The following HS3ST4 variants were observed in gnomAD, a reference collection of about 807,000 sequenced individuals.
The protein encoded by HS3ST4 is heparan sulfate glucosamine 3-O-sulfotransferase 4.
A neutral mutation model predicts 29.2 loss-of-function variants in HS3ST4; 17 were observed. That is an observed-to-expected ratio of 0.58 (90% confidence interval 0.40 to 0.87). The LOEUF (loss-of-function observed/expected upper bound fraction) is 0.87, where lower values mean the gene tolerates loss of function less well. Ranked by LOEUF, HS3ST4 falls within the 40% of genes least tolerant of loss-of-function variation. The pLI is 0.00. For missense variants in HS3ST4, 627 were observed against 634.5 expected, an observed-to-expected ratio of 0.99 and a Z score of 0.13; for synonymous variants, 314 against 285.7, an observed-to-expected ratio of 1.10 and a Z score of -1.00.
At chr16:26,117,729 G>T (rs1193460210) in intron 1 of HS3ST4, among the ~76,000 whole-genome samples, 1 of 152,228 alleles carries the variant, frequency 6.6e-6, no homozygotes, top group Admixed American at 6.5e-5. Context: ...CTCTTTGGGT[G>T]TACAAAGTGA....
intron 1 of HS3ST4, among the ~76,000 whole-genome samples, chr16:26,053,334 T>A (rs1036973771): frequency 6.6e-6 from 1 of 152,240 alleles, no homozygotes; most frequent in Non-Finnish European, 1.5e-5. Flanking sequence ...CTAATTAATG[T>A]TAATACTTGC....
intron 1 of HS3ST4, among the ~76,000 whole-genome samples, chr16:25,927,843 G>C (rs1968421575): frequency 6.6e-6 from 1 of 151,954 alleles, no homozygotes; most frequent in African/African-American, 2.4e-5. Flanking sequence ...CCTGTTCTAG[G>C]CACTGAGGAT....
intron 1 of HS3ST4, among the ~76,000 whole-genome samples, chr16:26,082,417 TCATCA>T (rs1421201990): frequency 1.3e-5 from 2 of 152,222 alleles, no homozygotes; most frequent in Non-Finnish European, 2.9e-5. Flanking sequence ...ACCTTTTAGA[TCATCA>T]CATATTTAAG....
At chr16:25,979,554 C>G (rs1465331946) in intron 1 of HS3ST4, among the ~76,000 whole-genome samples, 1 of 152,222 alleles carries the variant, frequency 6.6e-6, no homozygotes, top group East Asian at 1.9e-4. Flanking sequence ...TGATCTGTCA[C>G]TGTCTCCTAT....
chr16:25,746,533 T>C (rs184463329), intron 1 of HS3ST4, among the ~76,000 whole-genome samples: 13 of 150,002 alleles, frequency 8.7e-5, no homozygotes, highest in South Asian at 2.1e-4. Context: ...CAAAAGTTGA[T>C]GCCAGCCATC....
intron 1 of HS3ST4, among the ~76,000 whole-genome samples, chr16:25,983,664 C>T (rs62034495): frequency 0.055 from 8,446 of 152,256 alleles, 331 homozygotes; most frequent in Middle Eastern, 0.092. Context: ...GATTCTCCAG[C>T]CCATGGTAGA....
At chr16:26,069,872 C>T (rs2141776544) in intron 1 of HS3ST4, among the ~76,000 whole-genome samples, 1 of 152,186 alleles carries the variant, frequency 6.6e-6, no homozygotes, top group South Asian at 2.1e-4. Context: ...CATGTCCCTA[C>T]AAAGGACATG....
intron 1 of HS3ST4, among the ~76,000 whole-genome samples, chr16:25,880,582 A>T (rs569313865): frequency 6.6e-6 from 1 of 152,340 alleles, no homozygotes; most frequent in East Asian, 1.9e-4. Context: ...AGCCGCTTTC[A>T]TCTGGCCAAG....
intron 1 of HS3ST4, among the ~76,000 whole-genome samples, chr16:25,816,954 A>C (rs115433286): frequency 0.021 from 3,142 of 152,280 alleles, 41 homozygotes; most frequent in Middle Eastern, 0.027. Flanking sequence ...TTGTCCATTC[A>C]TGAGGGCAGA....
At chr16:26,114,272 A>G (rs1008788559) in intron 1 of HS3ST4, among the ~76,000 whole-genome samples, 1 of 152,092 alleles carries the variant, frequency 6.6e-6, no homozygotes, top group Non-Finnish European at 1.5e-5. Context: ...ACCCTTCCTT[A>G]TGGTCTTTTT....
chr16:25,996,002 G>GAAAAAA (rs61447217), intron 1 of HS3ST4, among the ~76,000 whole-genome samples: 4 of 119,282 alleles, frequency 3.4e-5, no homozygotes, highest in Non-Finnish European at 7.1e-5. Flanking sequence ...CTTCCTCCTT[G>GAAAAAA]AAAAAAAAAA....
chr16:26,065,182 A>G (rs1322859211), intron 1 of HS3ST4, among the ~76,000 whole-genome samples: 1 of 152,262 alleles, frequency 6.6e-6, no homozygotes, highest in Non-Finnish European at 1.5e-5. Context: ...GCATATATTC[A>G]TTGCAGCACT....
intron 1 of HS3ST4, among the ~76,000 whole-genome samples, chr16:25,717,514 T>G (rs996380352): frequency 2.4e-4 from 17 of 69,956 alleles, no homozygotes; most frequent in African/African-American, 1.6e-3. Context: ...TGAAGGGGTG[T>G]GTGTGTGTGT....
chr16:26,031,327 G>A (rs1969529025), intron 1 of HS3ST4, among the ~76,000 whole-genome samples: 1 of 152,208 alleles, frequency 6.6e-6, no homozygotes, highest in Non-Finnish European at 1.5e-5. Context: ...TCCCAGAAAT[G>A]TGGCACCAGG....
chr16:25,847,728 T>TATTA (rs980996557), intron 1 of HS3ST4, among the ~76,000 whole-genome samples: 14 of 152,300 alleles, frequency 9.2e-5, no homozygotes, highest in African/African-American at 3.4e-4. Flanking sequence ...TTTAAACATT[T>TATTA]ATTAAGGTGA....
At chr16:26,038,388 C>A (rs184013007) in intron 1 of HS3ST4, among the ~76,000 whole-genome samples, 6 of 152,222 alleles carry the variant, frequency 3.9e-5, no homozygotes, top group Non-Finnish European at 1.5e-5. Flanking sequence ...TTGTATACTG[C>A]CTATCTAGAC....
intron 1 of HS3ST4, among the ~76,000 whole-genome samples, chr16:25,780,043 A>G (rs1966851250): frequency 1.3e-5 from 2 of 152,210 alleles, no homozygotes; most frequent in African/African-American, 4.8e-5. Context: ...GCGGGCGCAC[A>G]AGTGTGAACA....
intron 1 of HS3ST4, among the ~76,000 whole-genome samples, chr16:25,693,654 G>A (rs568801242): frequency 6.6e-6 from 1 of 152,304 alleles, no homozygotes; most frequent in Admixed American, 6.5e-5. Flanking sequence ...AAATGAATAG[G>A]GAACAGTTAC....
Position 25,916,172 on chromosome 16 carries a change from G to A in HS3ST4, c.735-219440G>A, listed in dbSNP as rs1968291063. On this transcript the variant is annotated intron_variant, in intron 1 of 1. Coordinates refer to ENST00000331351, the MANE Select transcript of HS3ST4 (RefSeq NM_006040.3). ...TAGCAAATCCCCTGACATCACATAT[G>A]TCATCAGTGCAGAGGAAGAATTCAA... Among the ~76,000 whole-genome samples the A allele has an allele frequency of 2.0e-5, 3 of 152,164 alleles. 1 individual carries two copies. In the South Asian group the frequency reaches 6.2e-4, roughly 32 times the overall value.
Sources: allele counts gnomAD v4.1 joint callset (sites outside exome capture counted in the v4.1 genomes callset), GRCh38; gene constraint gnomAD v4.1.1; transcripts MANE v1.5; gene names NCBI Gene and HGNC (gene_info 2026-07-23, HGNC 2026-07-21).